Variants in MAMLD1 observed in about 807,000 individuals in gnomAD.
The protein encoded by MAMLD1 is mastermind like domain containing 1, also known as mastermind-like domain-containing protein 1.
In MAMLD1, 14 loss-of-function variants were observed where a neutral mutation model predicts 45.0. That is an observed-to-expected ratio of 0.31 (90% CI 0.21 to 0.49). The LOEUF is 0.49. MAMLD1 is among the 20% of genes least tolerant of loss of function. The probability of loss-of-function intolerance (pLI) is 0.99; values close to 1 mark genes in which losing one functional copy is unlikely to be tolerated. For synonymous variants in MAMLD1, 254 were observed against 247.8 expected (o/e 1.02, Z -0.24); for missense variants, 543 against 603.6 (o/e 0.90, Z 1.05).
intron 5 of MAMLD1, among the ~76,000 whole-genome samples, chrX:150,485,368 A>T (rs1024949259): frequency 2.7e-5 from 3 of 111,603 alleles, no homozygotes; most frequent in African/African-American, 9.7e-5. Flanking sequence ...TTGTTTCTAG[A>T]GCCATCACAA....
At chrX:150,459,535 C>T (rs1468744711) in intron 2 of MAMLD1, among the ~76,000 whole-genome samples, 2 of 109,136 alleles carry the variant, frequency 1.8e-5, no homozygotes, top group Non-Finnish European at 3.8e-5. Flanking sequence ...AAGTTCACTC[C>T]CTGGTTCCAC....
At chrX:150,379,357 CAA>C (rs1166440612) in intron 1 of MAMLD1, among the ~76,000 whole-genome samples, 1 of 111,853 alleles carries the variant, frequency 8.9e-6, no homozygotes, top group Non-Finnish European at 1.9e-5. Flanking sequence ...AGCCAATTGA[CAA>C]GAGTACAATA....
At chrX:150,451,885 C>G (rs782726912) in intron 2 of MAMLD1, among the ~76,000 whole-genome samples, 15 of 111,330 alleles carry the variant, frequency 1.3e-4, no homozygotes, top group Non-Finnish European at 2.8e-4. Context: ...CTCCGGGCCC[C>G]CTCAGCACAG....
At chrX:150,494,172 G>A (rs893539199) in intron 5 of MAMLD1, among the ~76,000 whole-genome samples, 3 of 111,357 alleles carry the variant, frequency 2.7e-5, no homozygotes, top group Non-Finnish European at 5.7e-5. Context: ...AAGGAGGGCG[G>A]ATCACGAGAT....
Position 150,438,391 on chromosome X carries a change from C to T in MAMLD1, c.-63-7063C>T, listed in dbSNP as rs139151196. 1.4e-3 allele frequency among the ~76,000 whole-genome samples: 152 copies of T among 112,463 alleles called. 1 individual carries two copies. Among genetic ancestry groups the T allele is most frequent in the African/African-American group, 4.1e-3 (128 of 31,003 alleles). Reference sequence around the variant, plus strand: ...TATATTTTTACAAAGATGAAATTCACATAACAATCTGTGATATTTAGTACA... The same window carrying T: ...TATATTTTTACAAAGATGAAATTCATATAACAATCTGTGATATTTAGTACA... On this transcript the variant is annotated intron_variant, in intron 1 of 7. Coordinates refer to ENST00000370401, the MANE Select transcript of MAMLD1 (RefSeq NM_005491.5).
chrX:150,492,957 G>A (rs892584883), intron 5 of MAMLD1, among the ~76,000 whole-genome samples: 1 of 111,628 alleles, frequency 9.0e-6, no homozygotes, highest in Non-Finnish European at 1.9e-5. Flanking sequence ...GAAGACAGAA[G>A]GTGGAGCCTT....
At chrX:150,401,005 A>G (rs1392326011) in intron 1 of MAMLD1, among the ~76,000 whole-genome samples, 2 of 110,741 alleles carry the variant, frequency 1.8e-5, no homozygotes, top group East Asian at 2.8e-4. Context: ...CTCTTTTTCT[A>G]TTGATTGGAA....
Position 150,471,102 on chromosome X carries a change from T to C in MAMLD1, c.1529T>C (p.Ile510Thr), listed in dbSNP as rs1557406485. ...CAAGCAAATGTGATCTTTAAGCCCA[T>C]AAGCAGCAACTCATCCAAAACCCTG... is the stretch of plus-strand genomic sequence containing the variant. ...QQQANVIFKP[I>T]SSNSSKTLSM... is the part of the protein sequence containing the mutation. Residue 510 changes from isoleucine to threonine, a missense_variant, in exon 4 of 8, where the codon ATA (isoleucine) becomes ACA (threonine). Ile to Thr is a moderately conservative substitution (Grantham distance 89, BLOSUM62 -1). Coordinates refer to ENST00000370401, the MANE Select transcript of MAMLD1 (RefSeq NM_005491.5). 7.4e-6 allele frequency: 9 copies of C among 1,210,452 alleles called. No individual in the cohort carries two copies. The highest frequency in any genetic ancestry group is 1.0e-5 in the Non-Finnish European group (9 of 895,221).
At chrX:150,382,733 T>A (rs1472199650) in intron 1 of MAMLD1, among the ~76,000 whole-genome samples, 1 of 111,200 alleles carries the variant, frequency 9.0e-6, no homozygotes, top group African/African-American at 3.3e-5. Flanking sequence ...TTCAAAAATG[T>A]CAATATTTTC....
At position 150,474,420 on chromosome X, in the gene MAMLD1, C is replaced by T. The variant is rs782643674; in HGVS notation, c.2040+618C>T. ...TGTCTGAGGACTAAGTGTGTTAATA[C>T]ATCTAAAGCACTTTGAACAGGGCCT... On this transcript the variant is annotated intron_variant, in intron 5 of 7. Coordinates refer to ENST00000370401, the MANE Select transcript of MAMLD1 (RefSeq NM_005491.5). 2.7e-5 allele frequency among the ~76,000 whole-genome samples: 3 copies of T among 112,703 alleles called. No individual in the cohort carries two copies. The South Asian group carries it at 1.1e-3, about 41-fold the overall frequency.
chrX:150,471,354 T>TGCAGCTGCA lies in MAMLD1; in HGVS notation c.1787_1795dup (p.Leu596_Gln598dup). On this transcript the variant is annotated inframe_insertion, in exon 4 of 8. Transcript: ENST00000370401. ...GCCTCCTCCACGGCCACTGCCACCT[T>TGCAGCTGCA]GCAGCTGCAGCAGCAGCAGCAGCAA... is the stretch of plus-strand genomic sequence containing the variant. The TGCAGCTGCA allele has an allele frequency of 1.7e-6, 2 of 1,207,194 alleles. No homozygotes were observed. Among genetic ancestry groups the TGCAGCTGCA allele is most frequent in the Middle Eastern group, 2.3e-4 (1 of 4,338 alleles).
chrX:150,484,100 G>T (rs1162084799), intron 5 of MAMLD1, among the ~76,000 whole-genome samples: 1 of 111,968 alleles, frequency 8.9e-6, no homozygotes, highest in Non-Finnish European at 1.9e-5. Context: ...AGGCTGTTAA[G>T]CATATGTTCT....
rs187565253 is a variant in MAMLD1 at position 150,365,214 on chromosome X, C to T, written c.-64+1684C>T. Among the ~76,000 whole-genome samples, 464 of 110,003 alleles carry T rather than the reference C, an allele frequency of 4.2e-3. 2 individuals carry two copies. The highest frequency in any genetic ancestry group is 0.015 in the African/African-American group (449 of 30,332). ...GGAAAAGGGACGCAGAGGCAGAGGG[C>T]GGGGGCGGCTGTCTCCAAGTGGTTT... On this transcript the variant is annotated intron_variant, in intron 1 of 7. Coordinates refer to ENST00000370401, the MANE Select transcript of MAMLD1 (RefSeq NM_005491.5).
At chrX:150,425,179 A>G (rs2034662353) in intron 1 of MAMLD1, among the ~76,000 whole-genome samples, 1 of 112,022 alleles carries the variant, frequency 8.9e-6, no homozygotes, top group Admixed American at 9.5e-5. Flanking sequence ...TTGGGCTACT[A>G]CTATGAGTAG....
At chrX:150,462,367 A>G (rs2036069060) in intron 2 of MAMLD1, among the ~76,000 whole-genome samples, 1 of 111,869 alleles carries the variant, frequency 8.9e-6, no homozygotes, top group Non-Finnish European at 1.9e-5. Context: ...TTGGGACCCA[A>G]ACCAACCCTC....
intron 5 of MAMLD1, among the ~76,000 whole-genome samples, chrX:150,482,010 A>AAG (rs2036821721): frequency 2.8e-5 from 3 of 108,644 alleles, no homozygotes; most frequent in African/African-American, 1.0e-4. Context: ...GAAAGAAAGA[A>AAG]AGAAAGAAAG....
Position 150,473,801 on chromosome X carries a change from T to C in MAMLD1, c.2039T>C (p.Ile680Thr), listed in dbSNP as rs183586370. The C allele has an allele frequency of 9.9e-5, 120 of 1,209,173 alleles. No homozygotes were observed. The Admixed American group carries it at 2.4e-3, about 24-fold the overall frequency. Residue 680 changes from isoleucine to threonine, a missense_variant and splice_region_variant, in exon 5 of 8, where the codon ATT becomes ACT. Transcript: ENST00000370401. ...PQPGDVSPSN[I>T]THVDKACKLG... The stretch of plus-strand genomic sequence containing the variant: ...CCTGGAGACGTGTCACCGTCTAACA[T>C]TGTGAGCCTTTCTGTTTTGTTTTGT...
intron 1 of MAMLD1, among the ~76,000 whole-genome samples, chrX:150,434,268 A>G (rs782790986): frequency 9.1e-6 from 1 of 110,287 alleles, no homozygotes; most frequent in South Asian, 3.9e-4. Context: ...GTCATTTTTT[A>G]TTATATTTAT....
intron 1 of MAMLD1, among the ~76,000 whole-genome samples, chrX:150,393,941 G>T (rs1266966178): frequency 1.8e-5 from 2 of 110,427 alleles, no homozygotes; most frequent in Non-Finnish European, 3.8e-5. Context: ...TGAAGTCCAG[G>T]TTATTAATTC....
Sources: allele counts gnomAD v4.1 joint callset (sites outside exome capture counted in the v4.1 genomes callset), GRCh38; gene constraint gnomAD v4.1.1; transcripts MANE v1.5; gene names NCBI Gene and HGNC (gene_info 2026-07-23, HGNC 2026-07-21).